Variants in GSN observed in about 807,000 individuals in gnomAD.
GSN encodes the protein actin-depolymerizing factor.
Under a neutral mutation model 85.7 loss-of-function variants are expected in GSN, and 56 were observed. The observed-to-expected ratio is 0.65, with a 90% confidence interval of 0.53 to 0.82. The LOEUF (loss-of-function observed/expected upper bound fraction) is 0.82, where lower values mean the gene tolerates loss of function less well. Among genes scored for constraint, GSN ranks in the 40% least tolerant of loss-of-function variants. GSN has a pLI of 0.00. For missense variants in GSN, 857 were observed against 979.8 expected, an observed-to-expected ratio of 0.87 and a Z score of 1.67; for synonymous variants, 373 against 399.1, an observed-to-expected ratio of 0.93 and a Z score of 0.78.
chr9:121,223,642 C>T (rs561360159), intron 4 of GSN, among the ~76,000 whole-genome samples: 1 of 151,928 alleles, frequency 6.6e-6, no homozygotes, highest in East Asian at 1.9e-4. Context: ...TTACTTATAA[C>T]GTACTTTATA....
At chr9:121,240,259 G>C (rs148745485) in intron 5 of GSN, among the ~76,000 whole-genome samples, 6 of 152,088 alleles carry the variant, frequency 3.9e-5, no homozygotes, top group African/African-American at 1.4e-4. Flanking sequence ...TCCAATTAAG[G>C]TTGCATTCAG....
At chr9:121,250,872 G>GGTGTGT (rs34623899) in intron 6 of GSN, among the ~76,000 whole-genome samples, 127 of 135,100 alleles carry the variant, frequency 9.4e-4, no homozygotes, top group Middle Eastern at 4.1e-3. Context: ...GCCTGCTTGG[G>GGTGTGT]GTGTGTGTGT....
chr9:121,244,023 C>T (rs2054653734), intron 5 of GSN, among the ~76,000 whole-genome samples: 1 of 152,204 alleles, frequency 6.6e-6, no homozygotes, highest in Admixed American at 6.5e-5. Context: ...TTGGCTTAGC[C>T]CCTGGCAACC....
In GSN at chr9:121,261,216, A is replaced by C. The variant is rs1302663407; in HGVS notation, c.-340-3938A>C. ...GAAGAGTGGGGCTGGGCTTTCAGAA[A>C]CAGCTGGGCTGATTCATCTAGAACA... On this transcript the variant is annotated intron_variant, in intron 6 of 24. Transcript: ENST00000373823. The surrounding 1 kb of genome is among the most constrained non-coding windows in gnomAD (Gnocchi z 4.1). Among the ~76,000 whole-genome samples the C allele has an allele frequency of 6.6e-6, 1 of 152,258 alleles. No homozygotes were observed. The highest frequency in any genetic ancestry group is 1.5e-5 in the Non-Finnish European group (1 of 68,042).
Position 121,299,891 on chromosome 9 carries a change from G to C in GSN, c.-9-2072G>C. The C allele has an allele frequency of 7.6e-7, 1 of 1,318,408 alleles. No homozygotes were observed. The highest frequency in any genetic ancestry group is 9.8e-7 in the Non-Finnish European group (1 of 1,024,890). The allele number at this position is 1,318,408 out of a possible 1,614,324, so 81.7% of individuals were successfully genotyped here. ...CTCCGCACCGCCCCGCGCCCGCGCT[G>C]CTTTGCGCGCTGTCCCTGGCGCTGT... is the stretch of plus-strand genomic sequence containing the variant. On this transcript the variant is annotated intron_variant, in intron 2 of 17. Transcript: ENST00000432226. The surrounding 1 kb of genome is among the most constrained non-coding windows in gnomAD (Gnocchi z 4.2).
intron 7 of GSN, 100 bp downstream of exon 7, chr9:121,314,123 C>CA: frequency 1.0e-6 from 1 of 952,824 alleles, no homozygotes; most frequent in South Asian, 1.3e-5. Context: ...TTGAGCAAAG[C>CA]ACCCCTTTGG....
chr9:121,312,535 A>G (rs2061280218), intron 6 of GSN, 47 bp downstream of exon 6: 1 of 1,473,776 alleles, frequency 6.8e-7, no homozygotes. Context: ...CACGCTGCTC[A>G]TGACTTTCTT....
At chr9:121,210,050 C>A (rs1170507925) in intron 2 of GSN, among the ~76,000 whole-genome samples, 1 of 152,108 alleles carries the variant, frequency 6.6e-6, no homozygotes, top group African/African-American at 2.4e-5. Flanking sequence ...ATAATAAATC[C>A]CTACTCTCAG....
intron 1 of GSN, among the ~76,000 whole-genome samples, chr9:121,276,980 C>T (rs745344582): frequency 7.9e-5 from 12 of 152,018 alleles, no homozygotes; most frequent in South Asian, 6.2e-4. Context: ...GGTGGTCATA[C>T]GCCTAGTTTG....
chr9:121,219,786 T>C, intron 4 of GSN, among the ~76,000 whole-genome samples: 1 of 152,186 alleles, frequency 6.6e-6, no homozygotes, highest in East Asian at 1.9e-4. Context: ...ATATTCCCCC[T>C]CTTGGTTAAA....
intron 4 of GSN, among the ~76,000 whole-genome samples, chr9:121,224,378 C>A (rs182496231): frequency 6.6e-6 from 1 of 152,178 alleles, no homozygotes; most frequent in African/African-American, 2.4e-5. Flanking sequence ...GGATTACAGG[C>A]GTGAGCCACC....
intron 6 of GSN, among the ~76,000 whole-genome samples, chr9:121,255,266 C>T (rs1032494604): frequency 6.6e-6 from 1 of 152,124 alleles, no homozygotes; most frequent in Non-Finnish European, 1.5e-5. Flanking sequence ...ATTTTTGAGA[C>T]AGGGTCTCGC....
chr9:121,203,770 A>C (rs1422632584), upstream of GSN, among the ~76,000 whole-genome samples: 3 of 152,218 alleles, frequency 2.0e-5, no homozygotes, highest in East Asian at 3.8e-4. Context: ...AAATAGTAAT[A>C]TCTCTCTCAA....
At chr9:121,331,469 G>T in intron 17 of GSN, 21 bp downstream of exon 17, 1 of 1,473,150 alleles carries the variant, frequency 6.8e-7, no homozygotes, top group South Asian at 1.2e-5. Context: ...GAGTGCCTGG[G>T]GGCGGGGGGA....
chr9:121,310,654 T>TG (rs1411208522), intron 4 of GSN, 30 bp from the exon 5 acceptor site: 11 of 1,611,166 alleles, frequency 6.8e-6, no homozygotes, highest in African/African-American at 1.3e-5. Context: ...CCTTCTCCCC[T>TG]GGGCTAATGC....
In GSN at chr9:121,299,872, A is replaced by ACCGCC; in HGVS notation, c.-9-2086_-9-2082dup. On this transcript the variant is annotated intron_variant, in intron 2 of 17. Transcript: ENST00000432226. The surrounding 1 kb of genome is among the most constrained non-coding windows in gnomAD (Gnocchi z 4.2). Reference sequence around the variant, plus strand: ...GCCGCTGTCGCCACCATGGCTCCGCACCGCCCCGCGCCCGCGCTGCTTTGC... The same window carrying ACCGCC: ...GCCGCTGTCGCCACCATGGCTCCGCACCGCCCCGCCCCGCGCCCGCGCTGCTTTGC... The ACCGCC allele has an allele frequency of 7.5e-7, 1 of 1,331,204 alleles. No individual in the cohort carries two copies. Among genetic ancestry groups the ACCGCC allele is most frequent in the African/African-American group, 1.5e-5 (1 of 65,314 alleles). 82.5% of individuals were successfully genotyped at this position (1,331,204 alleles called of 1,614,324 possible). A position where few individuals can be genotyped will look rare whatever the true frequency, so the allele number is the denominator to read the frequency against.
intron 10 of GSN, among the ~76,000 whole-genome samples, chr9:121,319,577 C>T (rs1436382407): frequency 2.6e-5 from 4 of 151,824 alleles, no homozygotes; most frequent in Non-Finnish European, 5.9e-5. Context: ...CCTGCCTCGG[C>T]CCCCCAAAGT....
chr9:121,280,150 A>C (rs1445092236), intron 1 of GSN: 1 of 152,256 alleles, frequency 6.6e-6, no homozygotes, highest in African/African-American at 2.4e-5. Context: ...CGGCTTAGGG[A>C]AGCTGGTTTA....
At chr9:121,220,884 A>G (rs2054157501) in intron 4 of GSN, among the ~76,000 whole-genome samples, 1 of 152,264 alleles carries the variant, frequency 6.6e-6, no homozygotes, top group Admixed American at 6.5e-5. Context: ...TTGATGTAGC[A>G]ATAGAAATTT....
Sources: gnomAD v4.1 joint callset for allele counts (sites outside exome capture counted in the v4.1 genomes callset) on GRCh38, gnomAD v4.1.1 for gene constraint, Gnocchi (gnomAD v3.1) non-coding constraint, MANE v1.5 for transcripts, NCBI Gene and HGNC (gene_info 2026-07-23, HGNC 2026-07-21) for gene names.